ANK3: variants seen among roughly 807,000 people sequenced by gnomAD.
The protein encoded by ANK3 is ankyrin-3.
In ANK3, 57 loss-of-function variants were observed where a neutral mutation model predicts 370.9. The ratio of observed to expected loss-of-function variants is 0.15; its 90% CI spans 0.12 to 0.19. ANK3 has a LOEUF of 0.19. Among genes scored for constraint, ANK3 ranks in the 10% least tolerant of loss-of-function variants. The pLI, the probability that ANK3 is intolerant of heterozygous loss-of-function variation, is 1.00. For synonymous variants in ANK3, 1,929 were observed against 1,946.3 expected (o/e 0.99, Z 0.23); for missense variants, 4,439 against 5,302.1 (o/e 0.84, Z 5.06).
At position 60,531,244 on chromosome 10, in the gene ANK3, G is replaced by A. The variant is rs140852424; in HGVS notation, c.96+83942C>T. Among the ~76,000 whole-genome samples, 69 of 152,068 alleles carry A rather than the reference G, an allele frequency of 4.5e-4. No individual in the cohort carries two copies. The East Asian group carries it at 0.011, about 25-fold the overall frequency. On this transcript the variant is annotated intron_variant, in intron 2 of 43. Transcript: ENST00000373827. ...CATGCAATGAGTACCACACAACCACGCACAAAGAACCAGGGAGCCTTCTAG... is the reference window on the plus strand; with the variant it reads ...CATGCAATGAGTACCACACAACCACACACAAAGAACCAGGGAGCCTTCTAG...
chr10:60,064,971 C>A (rs933984562), intron 38 of ANK3, among the ~76,000 whole-genome samples: 1 of 152,188 alleles, frequency 6.6e-6, no homozygotes, highest in Non-Finnish European at 1.5e-5. Flanking sequence ...TAGAGGTATA[C>A]AATTCATGTA....
chr10:60,105,869 C>T, intron 28 of ANK3, 36 bp downstream of exon 28: 5 of 1,547,508 alleles, frequency 3.2e-6, no homozygotes, highest in Non-Finnish European at 4.3e-6. Context: ...TTTCTGCCTG[C>T]AGACATTTAC....
rs777500859 is a variant in ANK3 at position 60,084,810 on chromosome 10, T to C, written c.3866A>G (p.His1289Arg). Residue 1289 changes from histidine (H) to arginine (R), a missense_variant, in exon 32 of 44, where the codon CAT becomes CGT. This residue lies in a region of ANK3 where 702 missense variants were observed against 941.5 expected (regional missense o/e 0.75). Coordinates refer to ENST00000280772, the MANE Select transcript of ANK3 (RefSeq NM_020987.5). ...VSARFWLADC[H>R]QVLETVGLAT... The stretch of plus-strand genomic sequence containing the variant: ...TAACCCCACAGTTTCTAAAACTTGA[T>C]GGCAGTCTGCAAGCCAAAATCTGAG... 6.5e-5 allele frequency: 101 copies of C among 1,555,746 alleles called. No individual in the cohort carries two copies. The highest frequency in any genetic ancestry group is 8.2e-5 in the Non-Finnish European group (95 of 1,153,598).
At chr10:60,595,820 G>T (rs577511118) in intron 2 of ANK3, among the ~76,000 whole-genome samples, 2 of 152,228 alleles carry the variant, frequency 1.3e-5, no homozygotes, top group South Asian at 4.1e-4. Flanking sequence ...AGATGGAGTT[G>T]GTTAGGTGAG....
At chr10:60,523,962 G>T (rs2076410413) in intron 2 of ANK3, among the ~76,000 whole-genome samples, 1 of 152,044 alleles carries the variant, frequency 6.6e-6, no homozygotes, top group Non-Finnish European at 1.5e-5. Context: ...AACATACACT[G>T]GTCTATTCAA....
intron 2 of ANK3, among the ~76,000 whole-genome samples, chr10:60,578,371 G>A (rs1325226549): frequency 5.3e-5 from 8 of 152,080 alleles, no homozygotes; most frequent in Non-Finnish European, 8.8e-5. Flanking sequence ...ATTTTCTCTA[G>A]AGGCCCAGTG....
intron 2 of ANK3, among the ~76,000 whole-genome samples, chr10:60,399,174 T>C (rs1360657673): frequency 2.0e-5 from 3 of 152,164 alleles, no homozygotes; most frequent in African/African-American, 7.2e-5. Flanking sequence ...CTTTTTGGCA[T>C]TATTTCATTA....
chr10:60,525,343 TG>T (rs756612352), intron 2 of ANK3, among the ~76,000 whole-genome samples: 4 of 152,154 alleles, frequency 2.6e-5, no homozygotes, highest in Non-Finnish European at 4.4e-5. Context: ...AGAAAATCCA[TG>T]TAAATGCTCT....
At chr10:60,586,871 TA>T (rs2077839241) in intron 2 of ANK3, among the ~76,000 whole-genome samples, 1 of 152,188 alleles carries the variant, frequency 6.6e-6, no homozygotes, top group African/African-American at 2.4e-5. Context: ...TCTGAGCCAC[TA>T]GGGGTTACGG....
chr10:60,710,613 T>C (rs1047742884), intron 1 of ANK3, among the ~76,000 whole-genome samples: 8 of 152,190 alleles, frequency 5.3e-5, no homozygotes, highest in African/African-American at 1.9e-4. Flanking sequence ...TTTTCCAATA[T>C]ATTTTTTAAA....
intron 2 of ANK3, among the ~76,000 whole-genome samples, chr10:60,460,135 T>G (rs1191403560): frequency 6.6e-6 from 1 of 152,118 alleles, no homozygotes; most frequent in African/African-American, 2.4e-5. Flanking sequence ...ATTCCTGAGC[T>G]TAGCTGTACG....
chr10:60,679,269 A>C (rs2079163637), intron 1 of ANK3, among the ~76,000 whole-genome samples: 1 of 152,184 alleles, frequency 6.6e-6, no homozygotes, highest in Admixed American at 6.5e-5. Flanking sequence ...AGTTAAGCGG[A>C]CATAAGCAGG....
intron 2 of ANK3, among the ~76,000 whole-genome samples, chr10:60,493,957 A>AT (rs1385284953): frequency 2.0e-5 from 3 of 152,194 alleles, no homozygotes; most frequent in African/African-American, 7.2e-5. Flanking sequence ...ATCAGAACAT[A>AT]TTAATCATGA....
intron 8 of ANK3, among the ~76,000 whole-genome samples, chr10:60,231,096 C>G (rs2097236721): frequency 6.6e-6 from 1 of 152,110 alleles, no homozygotes; most frequent in Non-Finnish European, 1.5e-5. Context: ...AACTATGACT[C>G]AGAAGGGTGA....
At chr10:60,181,024 A>G (rs1398343347) in intron 18 of ANK3, among the ~76,000 whole-genome samples, 1 of 152,168 alleles carries the variant, frequency 6.6e-6, no homozygotes, top group Non-Finnish European at 1.5e-5. Context: ...CACAAAAACT[A>G]AGAAAGGTAC....
chr10:60,515,386 C>T (rs562850033), intron 2 of ANK3, among the ~76,000 whole-genome samples: 1 of 152,202 alleles, frequency 6.6e-6, no homozygotes, highest in Non-Finnish European at 1.5e-5. Context: ...AGGCAAAAAT[C>T]ACAATTTTAT....
At chr10:60,044,958 T>A (rs1322100115) in intron 42 of ANK3, among the ~76,000 whole-genome samples, 1 of 152,236 alleles carries the variant, frequency 6.6e-6, no homozygotes, top group African/African-American at 2.4e-5. Flanking sequence ...GTACATAGTT[T>A]ATACACTGAA....
In ANK3 at chr10:60,072,916, A is replaced by G; in HGVS notation, c.7965T>C (p.Asp2655=). The G allele has an allele frequency of 6.2e-7, 1 of 1,614,024 alleles. No homozygotes were observed. Among genetic ancestry groups the G allele is most frequent in the Non-Finnish European group, 8.5e-7 (1 of 1,180,000 alleles). Residue 2655 remains aspartate, a synonymous_variant, in exon 37 of 44, where the codon GAT becomes GAC. Transcript: ENST00000280772. ...CCTCGGCCTTGGGGAAGCCTTGTCC[A>G]TCAGGGCCATGCTGTCTTGCCTTAA... is the stretch of plus-strand genomic sequence containing the variant. ...EWVKARQHGP[D]GQGFPKAEEK...
intron 8 of ANK3, among the ~76,000 whole-genome samples, chr10:60,230,486 A>G (rs2097222205): frequency 6.6e-6 from 1 of 152,232 alleles, no homozygotes; most frequent in African/African-American, 2.4e-5. Context: ...GAGATTCTCT[A>G]TATACTTACT....
Sources: gnomAD v4.1 joint callset for allele counts (sites outside exome capture counted in the v4.1 genomes callset) on GRCh38, gnomAD v4.1.1 for gene constraint, gnomAD v4.1.1 regional missense constraint, MANE v1.5 for transcripts, NCBI Gene and HGNC (gene_info 2026-07-23, HGNC 2026-07-21) for gene names.